FAM241A: variants seen among roughly 807,000 people sequenced by gnomAD.
The protein encoded by FAM241A is family with sequence similarity 241 member A.
A neutral mutation model predicts 12.2 loss-of-function variants in FAM241A; 7 were observed. The ratio of observed to expected loss-of-function variants is 0.58; its 90% CI spans 0.33 to 1.08. The LOEUF is 1.08. FAM241A is among the 50% of genes least tolerant of loss of function. The probability of loss-of-function intolerance (pLI) is 0.04; values close to 1 mark genes in which losing one functional copy is unlikely to be tolerated. For missense variants in FAM241A, 161 were observed against 169.7 expected (o/e 0.95, Z 0.29); for synonymous variants, 74 against 68.2 (o/e 1.08, Z -0.42).
At chr4:112,185,735 C>A (rs1304740176) in intron 1 of FAM241A, among the ~76,000 whole-genome samples, 1 of 152,162 alleles carries the variant, frequency 6.6e-6, no homozygotes, top group Non-Finnish European at 1.5e-5. Context: ...GTAATTGGAG[C>A]TGGCATCTCA....
intron 1 of FAM241A, among the ~76,000 whole-genome samples, chr4:112,150,973 C>G (rs1029947567): frequency 1.3e-5 from 2 of 152,108 alleles, no homozygotes; most frequent in African/African-American, 4.8e-5. Flanking sequence ...CTGAGAAAGG[C>G]AATTTTAAGT....
intron 1 of FAM241A, among the ~76,000 whole-genome samples, chr4:112,166,192 G>C (rs1451158451): frequency 1.3e-5 from 2 of 151,370 alleles, no homozygotes; most frequent in African/African-American, 4.9e-5. Flanking sequence ...GGGACTACAG[G>C]TGCCCCCCAC....
At position 112,189,692 on chromosome 4, in the gene FAM241A, C is replaced by G. The variant is rs1724125689; in HGVS notation, c.*2754C>G. 1 of 152,284 alleles carries G rather than the reference C, an allele frequency of 6.6e-6. No homozygotes were observed. The highest frequency in any genetic ancestry group is 6.5e-5 in the Admixed American group (1 of 15,294). 9.4% of individuals were successfully genotyped at this position (152,284 alleles called of 1,614,324 possible). On this transcript the variant is annotated 3_prime_UTR_variant, in exon 2 of 2. Coordinates refer to ENST00000309733, the MANE Select transcript of FAM241A (RefSeq NM_152400.3). ...ATTCCTGGCTACAGGCAGATCATTC[C>G]TAGTCCAGTAGTGTGCTGGAGCAAG...
At position 112,192,615 on chromosome 4, in the gene FAM241A, C is replaced by T. The variant is rs1402541081; in HGVS notation, c.*5677C>T. The T allele has an allele frequency of 3.3e-5, 5 of 150,400 alleles. No individual in the cohort carries two copies. Among genetic ancestry groups the T allele is most frequent in the Admixed American group, 6.6e-5 (1 of 15,044 alleles). 9.3% of individuals were successfully genotyped at this position (150,400 alleles called of 1,614,324 possible). ...TGTGGTGTTTGGTTTTTTGTCCTTG[C>T]GATAGTTTACTGAGAATGATGATTT... On this transcript the variant is annotated 3_prime_UTR_variant, in exon 2 of 2. Transcript: ENST00000309733.
chr4:112,154,569 G>C (rs1723313888), intron 1 of FAM241A, among the ~76,000 whole-genome samples: 1 of 151,996 alleles, frequency 6.6e-6, no homozygotes, highest in Non-Finnish European at 1.5e-5. Context: ...TGCCCAGCCT[G>C]GCTACTTTTA....
At chr4:112,177,515 C>G (rs80271714) in intron 1 of FAM241A, among the ~76,000 whole-genome samples, 2,157 of 152,194 alleles carry the variant, frequency 0.014, 21 homozygotes, top group Non-Finnish European at 0.023. Context: ...TTTAATTCCT[C>G]TTAAACTTTA....
At chr4:112,178,125 T>C (rs758721170) in intron 1 of FAM241A, among the ~76,000 whole-genome samples, 37 of 152,236 alleles carry the variant, frequency 2.4e-4, no homozygotes, top group Middle Eastern at 3.4e-3. Context: ...AGAAAATAGA[T>C]ATATAAAGAA....
chr4:112,164,320 A>T (rs1163269417), intron 1 of FAM241A, among the ~76,000 whole-genome samples: 1 of 151,304 alleles, frequency 6.6e-6, no homozygotes, highest in Non-Finnish European at 1.5e-5. Flanking sequence ...GAAGCTGGAT[A>T]TCATCATTCT....
chr4:112,183,896 A>G (rs1404145551), intron 1 of FAM241A, among the ~76,000 whole-genome samples: 1 of 152,114 alleles, frequency 6.6e-6, no homozygotes. Context: ...AAAATGTAGT[A>G]TATTGTTATG....
chr4:112,189,337 C>T lies in FAM241A; in HGVS notation c.*2399C>T, dbSNP rs1724114779. 1 of 131,284 alleles carries T rather than the reference C, an allele frequency of 7.6e-6. No individual in the cohort carries two copies. Among genetic ancestry groups the T allele is most frequent in the Admixed American group, 8.8e-5 (1 of 11,362 alleles). 8.1% of individuals were successfully genotyped at this position (131,284 alleles called of 1,614,324 possible). On this transcript the variant is annotated 3_prime_UTR_variant, in exon 2 of 2. Coordinates refer to ENST00000309733, the MANE Select transcript of FAM241A (RefSeq NM_152400.3). ...GAGGCAGAGCTTGCAGTGAGCACTC[C>T]AGCACTCTGGGTAACAGAGTGAGAC...
chr4:112,185,453 T>C (rs1724019069), intron 1 of FAM241A, among the ~76,000 whole-genome samples: 1 of 152,208 alleles, frequency 6.6e-6, no homozygotes, highest in Non-Finnish European at 1.5e-5. Flanking sequence ...CAGCAAGCTG[T>C]GCTTTAACAA....
At chr4:112,149,090 ATTTT>A (rs57017935) in intron 1 of FAM241A, among the ~76,000 whole-genome samples, 765 of 4,288 alleles carry the variant, frequency 0.18, 7 homozygotes, top group African/African-American at 0.44. Flanking sequence ...CTATTTTGGG[ATTTT>A]GATATCAAAT....
chr4:112,154,374 T>A (rs1410209129), intron 1 of FAM241A, among the ~76,000 whole-genome samples: 1 of 152,134 alleles, frequency 6.6e-6, no homozygotes, highest in African/African-American at 2.4e-5. Flanking sequence ...TTCAAGCAAT[T>A]CTTGTGCCTC....
chr4:112,161,462 A>G (rs1187071183), intron 1 of FAM241A, among the ~76,000 whole-genome samples: 1 of 152,248 alleles, frequency 6.6e-6, no homozygotes, highest in African/African-American at 2.4e-5. Context: ...GATGCAATAA[A>G]AAATGATAAA....
intron 1 of FAM241A, among the ~76,000 whole-genome samples, chr4:112,176,814 C>G (rs895023097): frequency 6.6e-6 from 1 of 152,014 alleles, no homozygotes; most frequent in African/African-American, 2.4e-5. Flanking sequence ...TCTGTATAAC[C>G]ACAAAGGAAA....
chr4:112,188,594 GTTGT>G lies in FAM241A; in HGVS notation c.*1660_*1663del, dbSNP rs1029148972. ...CTTTATGAACTCAGTATAAGTGCAAGTTGTTTGAAAAGGTGTTTTTATTAGTGCA... is the reference window on the plus strand; with the variant it reads ...CTTTATGAACTCAGTATAAGTGCAAGTTGAAAAGGTGTTTTTATTAGTGCA... On this transcript the variant is annotated 3_prime_UTR_variant, in exon 2 of 2. Coordinates refer to ENST00000309733, the MANE Select transcript of FAM241A (RefSeq NM_152400.3). 2.3e-4 allele frequency: 35 copies of G among 152,146 alleles called. No individual in the cohort carries two copies. Among genetic ancestry groups the G allele is most frequent in the African/African-American group, 8.0e-4 (33 of 41,450 alleles). The allele number at this position is 152,146 out of a possible 1,614,324, so 9.4% of individuals were successfully genotyped here.
chr4:112,186,977 T>C lies in FAM241A; in HGVS notation c.*39T>C. 6.3e-7 allele frequency: 1 copy of C among 1,579,470 alleles called. No homozygotes were observed. The highest frequency in any genetic ancestry group is 8.6e-7 in the Non-Finnish European group (1 of 1,162,738). Reference sequence around the variant, plus strand: ...TGAATTGTTTGACATTTGGTAGCCATATATGTAATTGAAGAAGTTATATAT... The same window carrying C: ...TGAATTGTTTGACATTTGGTAGCCACATATGTAATTGAAGAAGTTATATAT... On this transcript the variant is annotated 3_prime_UTR_variant, in exon 2 of 2. Transcript: ENST00000309733.
At chr4:112,176,288 T>C (rs1723819537) in intron 1 of FAM241A, among the ~76,000 whole-genome samples, 1 of 152,190 alleles carries the variant, frequency 6.6e-6, no homozygotes, top group Non-Finnish European at 1.5e-5. Context: ...GAAGTAAAAA[T>C]CACAAGATAT....
chr4:112,152,899 G>T (rs569735420), intron 1 of FAM241A, among the ~76,000 whole-genome samples: 2 of 152,214 alleles, frequency 1.3e-5, no homozygotes, highest in South Asian at 4.2e-4. Flanking sequence ...TTTTTATGAG[G>T]ATTCAGTCTC....
Sources: allele counts gnomAD v4.1 joint callset (sites outside exome capture counted in the v4.1 genomes callset), GRCh38; gene constraint gnomAD v4.1.1; transcripts MANE v1.5; gene names NCBI Gene and HGNC (gene_info 2026-07-23, HGNC 2026-07-21).